The following NRDC variants were observed in gnomAD, a reference collection of about 807,000 sequenced individuals.
NRDC encodes the protein nardilysin convertase.
Under a neutral mutation model 147.1 loss-of-function variants are expected in NRDC, and 54 were observed. The ratio of observed to expected loss-of-function variants is 0.37; its 90% CI spans 0.29 to 0.46. The LOEUF is 0.46. NRDC is among the 20% of genes least tolerant of loss of function. NRDC has a pLI of 1.00. For synonymous variants in NRDC, 440 were observed against 482.1 expected, an observed-to-expected ratio of 0.91 and a Z score of 1.14; for missense variants, 1,082 against 1,370.6, an observed-to-expected ratio of 0.79 and a Z score of 3.33.
chr1:51,818,769 C>T (rs1239388058), intron 9 of NRDC, among the ~76,000 whole-genome samples: 1 of 151,128 alleles, frequency 6.6e-6, no homozygotes, highest in Non-Finnish European at 1.5e-5. Flanking sequence ...ATACCTAAGG[C>T]AATTAGTAAA....
At chr1:51,855,043 T>A (rs1384384016) in intron 1 of NRDC, among the ~76,000 whole-genome samples, 1 of 152,204 alleles carries the variant, frequency 6.6e-6, no homozygotes, top group Non-Finnish European at 1.5e-5. Flanking sequence ...AGAAAAAGCT[T>A]TGCCTCCTTA....
intron 1 of NRDC, among the ~76,000 whole-genome samples, chr1:51,843,445 C>A (rs1472887243): frequency 6.6e-6 from 1 of 152,134 alleles, no homozygotes; most frequent in Non-Finnish European, 1.5e-5. Flanking sequence ...ACTAATTATG[C>A]TTTGCCTGCC....
intron 1 of NRDC, among the ~76,000 whole-genome samples, chr1:51,846,275 GTTAA>G (rs773468044): frequency 1.9e-4 from 29 of 152,126 alleles, no homozygotes; most frequent in Non-Finnish European, 3.2e-4. Context: ...ACCGCACCTG[GTTAA>G]TTTTTTTATT....
chr1:51,829,501 A>C (rs966350747), intron 4 of NRDC, among the ~76,000 whole-genome samples: 1 of 152,104 alleles, frequency 6.6e-6, no homozygotes, highest in African/African-American at 2.4e-5. Flanking sequence ...TCTGGCAAAA[A>C]TTTTCCATAT....
intron 24 of NRDC, chr1:51,793,972 A>G (rs1296582529): frequency 6.5e-6 from 1 of 154,648 alleles, no homozygotes; most frequent in East Asian, 1.9e-4. Flanking sequence ...TCTGAAGACA[A>G]AAGGAATAAT....
chr1:51,838,381 G>A (rs1681090873), intron 2 of NRDC, among the ~76,000 whole-genome samples: 1 of 152,116 alleles, frequency 6.6e-6, no homozygotes, highest in Non-Finnish European at 1.5e-5. Flanking sequence ...CACAATTGCT[G>A]TATAAATCTA....
At chr1:51,817,630 C>T (rs1680031597) in intron 10 of NRDC, among the ~76,000 whole-genome samples, 2 of 152,184 alleles carry the variant, frequency 1.3e-5, no homozygotes, top group Admixed American at 6.5e-5. Flanking sequence ...CAACCTCCAC[C>T]TCTCAGCTTC....
At chr1:51,792,296 C>A (rs1571834636) in intron 25 of NRDC, 81 bp downstream of exon 25, 1 of 1,461,334 alleles carries the variant, frequency 6.8e-7, no homozygotes. Flanking sequence ...TACCCCATGT[C>A]CCTAACCCAG....
chr1:51,838,672 C>T (rs1038469697), intron 2 of NRDC, among the ~76,000 whole-genome samples: 1 of 151,588 alleles, frequency 6.6e-6, no homozygotes, highest in Admixed American at 6.6e-5. Flanking sequence ...TAAAATCACG[C>T]AGAAAGAAAG....
chr1:51,834,562 C>T (rs977055186), intron 3 of NRDC, among the ~76,000 whole-genome samples: 53 of 152,152 alleles, frequency 3.5e-4, no homozygotes, highest in African/African-American at 1.3e-3. Context: ...GTGATCTGCC[C>T]ACCTCGGCCT....
intron 19 of NRDC, 51 bp from the exon 20 acceptor site, chr1:51,804,015 T>A: frequency 6.8e-7 from 1 of 1,479,538 alleles, no homozygotes; most frequent in South Asian, 1.3e-5. Flanking sequence ...GAAAGACACA[T>A]GAAATAGATT....
chr1:51,857,574 G>C (rs578230743), intron 1 of NRDC, among the ~76,000 whole-genome samples: 2 of 152,218 alleles, frequency 1.3e-5, no homozygotes, highest in South Asian at 4.1e-4. Flanking sequence ...AACTGATATC[G>C]TGGTAAGTTC....
chr1:51,869,413 C>T (rs1447379581), intron 1 of NRDC, among the ~76,000 whole-genome samples: 1 of 151,990 alleles, frequency 6.6e-6, no homozygotes, highest in Non-Finnish European at 1.5e-5. Flanking sequence ...TGCTGAATAC[C>T]ATCCCTAATC....
Position 51,810,313 on chromosome 1 carries a change from T to C in NRDC, c.1871A>G (p.Glu624Gly). 4 of 1,611,086 alleles carry C rather than the reference T, an allele frequency of 2.5e-6. No individual in the cohort carries two copies. Among genetic ancestry groups the C allele is most frequent in the Non-Finnish European group, 3.4e-6 (4 of 1,177,660 alleles). ...GANEGKCDLK[E>G]KWFGTQYSIE... is the part of the protein sequence containing the mutation. ...ACTATATTGAGTTCCAAACCATTTCTCCTTGAGGTCACATTTTCCCTCATT... is the reference window on the plus strand; with the variant it reads ...ACTATATTGAGTTCCAAACCATTTCCCCTTGAGGTCACATTTTCCCTCATT... Residue 624 changes from glutamate (E) to glycine (G), a missense_variant, in exon 16 of 31, where the codon GAG (glutamate) becomes GGG (glycine). Physicochemically the swap from Glu to Gly is moderately conservative, Grantham distance 98. Around this residue, in one of 3 missense-constraint regions of NRDC, gnomAD observed 635 missense variants for 923.8 expected, o/e 0.69. Coordinates refer to ENST00000352171, the MANE Select transcript of NRDC (RefSeq NM_001101662.2).
intron 1 of NRDC, among the ~76,000 whole-genome samples, chr1:51,843,311 T>A (rs1681365061): frequency 2.2e-5 from 3 of 139,468 alleles, no homozygotes; most frequent in Admixed American, 7.1e-5. Flanking sequence ...CAAAAAAGGT[T>A]AAAAAAAAAA....
chr1:51,792,501 C>A, intron 24 of NRDC, 77 bp from the exon 25 acceptor site: 1 of 1,352,438 alleles, frequency 7.4e-7, no homozygotes, highest in Non-Finnish European at 1.1e-6. Context: ...CTATTCTAGG[C>A]AACCACTTAG....
intron 25 of NRDC, 45 bp downstream of exon 25, chr1:51,792,332 G>C: frequency 6.3e-7 from 1 of 1,597,876 alleles, no homozygotes; most frequent in Non-Finnish European, 8.6e-7. Context: ...CCTCATAGTG[G>C]GTCAGGGGCT....
intron 1 of NRDC, chr1:51,862,094 T>G (rs909983922): frequency 6.6e-6 from 1 of 152,220 alleles, no homozygotes; most frequent in African/African-American, 2.4e-5. Context: ...ACCATGGAGT[T>G]CATTCAAATT....
At chr1:51,792,180 C>A in intron 25 of NRDC, 82 bp from the exon 26 acceptor site, 2 of 1,563,200 alleles carry the variant, frequency 1.3e-6, no homozygotes, top group Non-Finnish European at 8.8e-7. Flanking sequence ...GTTTCACATA[C>A]CTCCCAAGTC....
Sources: allele counts gnomAD v4.1 joint callset (sites outside exome capture counted in the v4.1 genomes callset), GRCh38; gene constraint gnomAD v4.1.1; regional missense constraint gnomAD v4.1.1; transcripts MANE v1.5; gene names NCBI Gene and HGNC (gene_info 2026-07-23, HGNC 2026-07-21).